The following RO60 variants were observed in gnomAD, a reference collection of about 807,000 sequenced individuals.
RO60 encodes the protein RNA-binding protein RO60.
RO60 carries 20 observed loss-of-function variants against 55.3 expected under a neutral mutation model. The observed-to-expected ratio is 0.36, with a 90% CI of 0.25 to 0.53. The LOEUF (loss-of-function observed/expected upper bound fraction) is 0.53, where lower values mean the gene tolerates loss of function less well. Among genes scored for constraint, RO60 ranks in the 20% least tolerant of loss-of-function variants. RO60 has a pLI of 0.92. For missense variants in RO60, 558 were observed against 646.6 expected (o/e 0.86, Z 1.49); for synonymous variants, 213 against 213.6 (o/e 1.00, Z 0.02).
intron 1 of RO60, chr1:193,060,133 C>T: frequency 8.4e-7 from 1 of 1,191,300 alleles, no homozygotes; most frequent in Non-Finnish European, 1.1e-6. Flanking sequence ...CGCGGAGAGG[C>T]GTCGCCCGGG....
chr1:193,076,864 T>C (rs1406492841), intron 4 of RO60, 49 bp from the exon 5 acceptor site: 2 of 1,569,930 alleles, frequency 1.3e-6, no homozygotes, highest in Non-Finnish European at 1.7e-6. Context: ...CTAAGGAGTA[T>C]ACATAATCAC....
In RO60 at chr1:193,086,412, C is replaced by T. The variant is rs1482181049; in HGVS notation, c.*1681C>T. 2 of 152,140 alleles carry T rather than the reference C, an allele frequency of 1.3e-5. No individual in the cohort carries two copies. The highest frequency in any genetic ancestry group is 2.9e-5 in the Non-Finnish European group (2 of 68,012). The allele number at this position is 152,140 out of a possible 1,614,324, so 9.4% of individuals were successfully genotyped here. On this transcript the variant is annotated 3_prime_UTR_variant, in exon 9 of 9. Transcript: ENST00000400968. ...AGCAAAGCTCATAGCACCCTCACCC[C>T]CACTCCAGACATGCATTGCTTCTGA...
intron 8 of RO60, among the ~76,000 whole-genome samples, chr1:193,083,635 G>C (rs574184422): frequency 6.6e-6 from 1 of 152,202 alleles, no homozygotes; most frequent in Non-Finnish European, 1.5e-5. Flanking sequence ...CCTGAGGCCC[G>C]TCAGAGACCT....
chr1:193,080,785 C>G (rs1043811165), intron 5 of RO60, among the ~76,000 whole-genome samples: 6 of 151,990 alleles, frequency 3.9e-5, no homozygotes, highest in Non-Finnish European at 7.4e-5. Flanking sequence ...TTGTATGATT[C>G]CATTATATGA....
rs1284824208 is a variant in RO60, at chr1:193,088,159, CTGCTT to C, written c.*3430_*3434del. On this transcript the variant is annotated 3_prime_UTR_variant, in exon 9 of 9. Coordinates refer to ENST00000400968, the MANE Select transcript of RO60 (RefSeq NM_001173524.2). ...ACTGGTGTGCACTGCACTACCACGC[CTGCTT>C]TTTTTTTTTTTTTTTTTTTTTTTTT... 2.3e-5 allele frequency: 3 copies of C among 132,940 alleles called. No individual in the cohort carries two copies. Among genetic ancestry groups the C allele is most frequent in the Non-Finnish European group, 4.3e-5 (3 of 69,128 alleles). The allele number at this position is 132,940 out of a possible 1,614,324, so 8.2% of individuals were successfully genotyped here. A position where few individuals can be genotyped will look rare whatever the true frequency, so the allele number is the denominator to read the frequency against.
chr1:193,091,111 A>G lies in RO60; in HGVS notation c.*6380A>G, dbSNP rs1031308032. ...ATGATATCCAAGGACCAAGTTGCAT[A>G]TTTAACATCGAATGAAAATGTAGTT... On this transcript the variant is annotated 3_prime_UTR_variant, in exon 9 of 9. Coordinates refer to ENST00000400968, the MANE Select transcript of RO60 (RefSeq NM_001173524.2). The G allele has an allele frequency of 1.3e-5, 2 of 152,366 alleles. No individual in the cohort carries two copies. Among genetic ancestry groups the G allele is most frequent in the African/African-American group, 4.8e-5 (2 of 41,474 alleles). 9.4% of individuals were successfully genotyped at this position (152,366 alleles called of 1,614,324 possible). A position where few individuals can be genotyped will look rare whatever the true frequency, so the allele number is the denominator to read the frequency against.
intron 5 of RO60, among the ~76,000 whole-genome samples, chr1:193,081,074 A>G (rs1482676712): frequency 6.6e-6 from 1 of 152,200 alleles, no homozygotes; most frequent in African/African-American, 2.4e-5. Flanking sequence ...TTTTACTTCA[A>G]TGAGGAAAGA....
At position 193,075,774 on chromosome 1, in the gene RO60, T is replaced by C. The variant is rs753764593; in HGVS notation, c.581-46T>C. The C allele has an allele frequency of 1.3e-5, 18 of 1,412,814 alleles. 1 individual carries two copies. The East Asian group carries it at 2.5e-4, about 20-fold the overall frequency. The allele number at this position is 1,412,814 out of a possible 1,614,324, so 87.5% of individuals were successfully genotyped here. A position where few individuals can be genotyped will look rare whatever the true frequency, so the allele number is the denominator to read the frequency against. On this transcript the variant is annotated intron_variant, in intron 2 of 8. Coordinates refer to ENST00000400968, the MANE Select transcript of RO60 (RefSeq NM_001173524.2). The stretch of plus-strand genomic sequence containing the variant: ...TTTGAGGAAACATGTTCTGTTTTTT[T>C]ACTTGGTAATCCTGCATGCTTTTTC...
chr1:193,060,116 G>A, intron 1 of RO60: 18 of 1,206,028 alleles, frequency 1.5e-5, no homozygotes, highest in Non-Finnish European at 1.9e-5. Flanking sequence ...TTCTCCCGCG[G>A]CTTCTGCGCG....
chr1:193,067,623 C>T (rs1176305269), intron 1 of RO60, among the ~76,000 whole-genome samples: 2 of 152,056 alleles, frequency 1.3e-5, no homozygotes, highest in South Asian at 2.1e-4. Context: ...CCCAGTGCAC[C>T]GAAATAACAT....
intron 2 of RO60, among the ~76,000 whole-genome samples, chr1:193,074,289 C>G (rs1299586454): frequency 1.3e-5 from 2 of 152,146 alleles, no homozygotes; most frequent in Non-Finnish European, 2.9e-5. Flanking sequence ...ATTTCTAGTT[C>G]TAGATCCCTG....
At chr1:193,068,868 C>A in intron 1 of RO60, 166 bp from the exon 2 acceptor site, 1 of 484,910 alleles carries the variant, frequency 2.1e-6, no homozygotes, top group Non-Finnish European at 3.5e-6. Flanking sequence ...CCTGATTTTT[C>A]TTCAGGACAT....
At chr1:193,060,748 A>G (rs1672561908) in intron 1 of RO60, among the ~76,000 whole-genome samples, 2 of 152,182 alleles carry the variant, frequency 1.3e-5, no homozygotes, top group African/African-American at 4.8e-5. Flanking sequence ...TTTTTTTTGT[A>G]ACTTTCTTGA....
intron 5 of RO60, among the ~76,000 whole-genome samples, chr1:193,077,970 C>T (rs1674045347): frequency 6.6e-6 from 1 of 152,152 alleles, no homozygotes; most frequent in Non-Finnish European, 1.5e-5. Flanking sequence ...GGAAATCTCA[C>T]ATCAAAGACA....
rs1034589622 is a variant in RO60, at chr1:193,085,520, T to C, written c.*789T>C. On this transcript the variant is annotated 3_prime_UTR_variant, in exon 9 of 9. Transcript: ENST00000400968. Reference sequence around the variant, plus strand: ...GATAATGATTTCCTCTGAATTATAATAACATAGCCAGATGTAGTCTCACAC... The same window carrying C: ...GATAATGATTTCCTCTGAATTATAACAACATAGCCAGATGTAGTCTCACAC... 18 of 985,118 alleles carry C rather than the reference T, an allele frequency of 1.8e-5. No homozygotes were observed. Among genetic ancestry groups the C allele is most frequent in the Non-Finnish European group, 2.2e-5 (18 of 829,836 alleles). 61.0% of individuals were successfully genotyped at this position (985,118 alleles called of 1,614,324 possible). A position where few individuals can be genotyped will look rare whatever the true frequency, so the allele number is the denominator to read the frequency against.
chr1:193,091,067 A>G lies in RO60; in HGVS notation c.*6336A>G, dbSNP rs1402921475. 6.6e-6 allele frequency: 1 copy of G among 152,322 alleles called. No individual in the cohort carries two copies. 9.4% of individuals were successfully genotyped at this position (152,322 alleles called of 1,614,324 possible). On this transcript the variant is annotated 3_prime_UTR_variant, in exon 9 of 9. Coordinates refer to ENST00000400968, the MANE Select transcript of RO60 (RefSeq NM_001173524.2). ...ATTGTTTTCTATAACAAGTTATCCA[A>G]CAGGTTGGACTTTGTAACATGATAT...
chr1:193,079,510 C>G (rs757906413), intron 5 of RO60, among the ~76,000 whole-genome samples: 3 of 152,158 alleles, frequency 2.0e-5, no homozygotes, highest in Non-Finnish European at 4.4e-5. Flanking sequence ...CATTATCTTA[C>G]ACCAAATACA....
chr1:193,073,402 C>A (rs1444183373), intron 2 of RO60, among the ~76,000 whole-genome samples: 2 of 152,088 alleles, frequency 1.3e-5, no homozygotes, highest in Admixed American at 6.6e-5. Flanking sequence ...AAAATGAATT[C>A]TTTGTCATTA....
intron 1 of RO60, chr1:193,060,211 G>C: frequency 1.1e-6 from 1 of 876,318 alleles, no homozygotes; most frequent in South Asian, 1.7e-5. Flanking sequence ...AATAACGAGG[G>C]AGAGGAGAAA....
Sources: allele counts gnomAD v4.1 joint callset (sites outside exome capture counted in the v4.1 genomes callset), GRCh38; gene constraint gnomAD v4.1.1; transcripts MANE v1.5; gene names NCBI Gene and HGNC (gene_info 2026-07-23, HGNC 2026-07-21).